The following RASGRF1 variants were observed in gnomAD, a reference collection of about 807,000 sequenced individuals.
RASGRF1 encodes the protein ras-specific guanine nucleotide-releasing factor 1.
RASGRF1 carries 40 observed loss-of-function variants against 138.7 expected under a neutral mutation model. The ratio of observed to expected loss-of-function variants is 0.29; its 90% confidence interval spans 0.22 to 0.38. The LOEUF is 0.38. RASGRF1 is among the 10% of genes least tolerant of loss of function. The probability of loss-of-function intolerance (pLI) is 1.00; values close to 1 mark genes in which losing one functional copy is unlikely to be tolerated. For synonymous variants in RASGRF1, 614 were observed against 663.2 expected (o/e 0.93, Z 1.14); for missense variants, 1,108 against 1,650.4 (o/e 0.67, Z 5.69).
intron 24 of RASGRF1, among the ~76,000 whole-genome samples, chr15:78,977,506 G>A (rs2055897965): frequency 6.6e-6 from 1 of 152,234 alleles, no homozygotes; most frequent in African/African-American, 2.4e-5. Flanking sequence ...GTCACAGGCA[G>A]AGAATAAAGA....
intron 13 of RASGRF1, among the ~76,000 whole-genome samples, chr15:79,007,111 C>T (rs1017340141): frequency 6.6e-6 from 1 of 152,218 alleles, no homozygotes; most frequent in African/African-American, 2.4e-5. Context: ...CATGGAAAAA[C>T]AAAATGTGGT....
rs2056475530 is a variant in RASGRF1, at chr15:78,999,679, G to A, written c.2746+64C>T. On this transcript the variant is annotated intron_variant, in intron 17 of 26. Transcript: ENST00000558480. ...AGAGCAAGTCCCCGGGACCATGGCT[G>A]CTATCACCTGCCACTGGGGCTGACC... The A allele has an allele frequency of 5.8e-6, 9 of 1,561,618 alleles. No homozygotes were observed. The Admixed American group carries it at 1.3e-4, about 23-fold the overall frequency.
intron 2 of RASGRF1, among the ~76,000 whole-genome samples, chr15:79,061,578 G>A (rs2057608542): frequency 6.6e-6 from 1 of 151,840 alleles, no homozygotes; most frequent in Admixed American, 6.6e-5. Flanking sequence ...CCTCTTCCCT[G>A]TCAATCCCTA....
At position 79,024,027 on chromosome 15, in the gene RASGRF1, ACAC is replaced by A. The variant is rs2057006132; in HGVS notation, c.1542+1284_1542+1286del. Among the ~76,000 whole-genome samples the A allele has an allele frequency of 4.0e-5, 6 of 149,290 alleles. No individual in the cohort carries two copies. The South Asian group carries it at 1.3e-3, about 31-fold the overall frequency. On this transcript the variant is annotated intron_variant, in intron 10 of 26. Coordinates refer to ENST00000558480, the MANE Select transcript of RASGRF1 (RefSeq NM_001145648.3). ...ACACACAGATACACACATCACACAC[ACAC>A]ACACATACAAACACACACACACACA...
At chr15:78,962,980 G>A (rs61117503) in intron 26 of RASGRF1, among the ~76,000 whole-genome samples, 19,012 of 152,178 alleles carry the variant, frequency 0.12, 2,234 homozygotes, top group African/African-American at 0.31. Flanking sequence ...CTCCAAGAGA[G>A]GCAAGTGGAA....
At chr15:78,997,335 C>T (rs1321586806) in intron 19 of RASGRF1, among the ~76,000 whole-genome samples, 1 of 152,222 alleles carries the variant, frequency 6.6e-6, no homozygotes, top group Admixed American at 6.5e-5. Context: ...CCTGTACTGT[C>T]CAATGCAGGG....
intron 10 of RASGRF1, among the ~76,000 whole-genome samples, chr15:79,023,490 G>T (rs1595912274): frequency 1.3e-5 from 2 of 152,186 alleles, no homozygotes; most frequent in East Asian, 1.9e-4. Flanking sequence ...TGTGTCGGGG[G>T]ACAGGAGATC....
chr15:79,000,019 C>A, intron 16 of RASGRF1, 106 bp from the exon 17 acceptor site: 1 of 1,250,172 alleles, frequency 8.0e-7, no homozygotes, highest in Admixed American at 2.0e-5. Flanking sequence ...AGCCAGCAGG[C>A]TGTGTCTTCA....
Position 79,032,836 on chromosome 15 carries a change from C to A in RASGRF1, c.959-520G>T, listed in dbSNP as rs147054470. On this transcript the variant is annotated intron_variant, in intron 6 of 26. Transcript: ENST00000558480. The surrounding 1 kb of genome is among the most constrained non-coding windows in gnomAD (Gnocchi z 4.5). ...CTGGAAGGCTGCCCAGTTCCTCCCT[C>A]TGCCTGTCCCCGTGCCCTATGGTGC... 1.4e-3 allele frequency among the ~76,000 whole-genome samples: 217 copies of A among 152,338 alleles called. 2 individuals are homozygous for A. Among genetic ancestry groups the A allele is most frequent in the Middle Eastern group, 6.8e-3 (2 of 294 alleles).
chr15:79,002,906 C>T (rs114324743), intron 15 of RASGRF1, among the ~76,000 whole-genome samples: 7 of 152,352 alleles, frequency 4.6e-5, no homozygotes, highest in African/African-American at 1.2e-4. Context: ...AAGCCTGGGG[C>T]GTCTGACCAG....
chr15:79,074,668 G>A (rs938148258), intron 1 of RASGRF1, among the ~76,000 whole-genome samples: 8 of 152,198 alleles, frequency 5.3e-5, no homozygotes, highest in East Asian at 1.9e-4. Flanking sequence ...CAGAACCATC[G>A]CTGGGGTCCA....
chr15:79,080,632 A>G (rs1235730988), intron 1 of RASGRF1, among the ~76,000 whole-genome samples: 1 of 152,236 alleles, frequency 6.6e-6, no homozygotes, highest in African/African-American at 2.4e-5. Flanking sequence ...ACTGATTTTG[A>G]AAGGACTTTA....
chr15:78,989,890 T>C (rs1028844173), intron 22 of RASGRF1, among the ~76,000 whole-genome samples: 2 of 152,162 alleles, frequency 1.3e-5, no homozygotes, highest in African/African-American at 2.4e-5. Flanking sequence ...TAACCCCCAC[T>C]TAGGAATCAC....
At chr15:78,985,350 G>A in intron 22 of RASGRF1, 146 bp from the exon 23 acceptor site, 2 of 846,600 alleles carry the variant, frequency 2.4e-6, no homozygotes, top group Non-Finnish European at 3.5e-6. Context: ...AGCTTGCTAG[G>A]GTTGCTGGCT....
rs139484061 is a variant in RASGRF1, at chr15:79,083,305, T to C, written c.276+6918A>G. 9.4e-4 allele frequency among the ~76,000 whole-genome samples: 143 copies of C among 152,274 alleles called. 1 individual carries two copies. The highest frequency in any genetic ancestry group is 3.4e-3 in the Middle Eastern group (1 of 294). ...ACGACAGTCGCCCTCACGGAAGTGT[T>C]TGGGCGTTGGCAGTGTTCTGGACCT... On this transcript the variant is annotated intron_variant, in intron 1 of 26. Transcript: ENST00000558480.
chr15:78,994,160 G>A (rs1489419796), intron 20 of RASGRF1, among the ~76,000 whole-genome samples: 2 of 152,218 alleles, frequency 1.3e-5, no homozygotes, highest in African/African-American at 4.8e-5. Context: ...TTCAGCTGCC[G>A]AGAGGAGTAC....
chr15:79,015,446 C>T (rs1434317244), intron 12 of RASGRF1, 37 bp from the exon 13 acceptor site: 1 of 1,575,400 alleles, frequency 6.3e-7, no homozygotes, highest in Non-Finnish European at 8.7e-7. Flanking sequence ...TCAGAGCTCT[C>T]CATTCCTGGA....
intron 26 of RASGRF1, among the ~76,000 whole-genome samples, chr15:78,967,450 A>G (rs947764917): frequency 6.6e-6 from 1 of 151,962 alleles, no homozygotes; most frequent in African/African-American, 2.4e-5. Flanking sequence ...CAGGAGGGTG[A>G]GGTAGGAGGA....
In RASGRF1 at chr15:79,058,436, G is replaced by A; in HGVS notation, c.429C>T (p.Tyr143=). 1 of 1,614,210 alleles carries A rather than the reference G, an allele frequency of 6.2e-7. No individual in the cohort carries two copies. Residue 143 remains tyrosine, a synonymous_variant, in exon 3 of 27, where the codon TAC becomes TAT. Transcript: ENST00000558480. Reference sequence around the variant, plus strand: ...TCTCCACGATCTGCAGCAGGTGCAGGTATTTCTGCATTAATGCCTCATGCT... The same window carrying A: ...TCTCCACGATCTGCAGCAGGTGCAGATATTTCTGCATTAATGCCTCATGCT... ...ATEHEALMQK[Y]LHLLQIVETE...
Sources: allele counts gnomAD v4.1 joint callset (sites outside exome capture counted in the v4.1 genomes callset), GRCh38; gene constraint gnomAD v4.1.1; non-coding constraint Gnocchi (gnomAD v3.1); transcripts MANE v1.5; gene names NCBI Gene and HGNC (gene_info 2026-07-23, HGNC 2026-07-21).